EBF1: variants seen among roughly 807,000 people sequenced by gnomAD.
EBF1 encodes EBF transcription factor 1.
Under a neutral mutation model 68.4 loss-of-function variants are expected in EBF1, and 10 were observed. That is an observed-to-expected ratio of 0.15 (90% CI 0.09 to 0.25). The LOEUF (loss-of-function observed/expected upper bound fraction) is 0.25. Among genes scored for constraint, EBF1 ranks in the 10% least tolerant of loss-of-function variants. The probability of loss-of-function intolerance (pLI) is 1.00; values close to 1 mark genes in which losing one functional copy is unlikely to be tolerated. For synonymous variants in EBF1, 298 were observed against 299.8 expected, an observed-to-expected ratio of 0.99 and a Z score of 0.06; for missense variants, 509 against 794.4, an observed-to-expected ratio of 0.64 and a Z score of 4.32.
At chr5:159,040,018 T>C (rs1005632834) in intron 6 of EBF1, among the ~76,000 whole-genome samples, 54 of 152,314 alleles carry the variant, frequency 3.5e-4, no homozygotes, top group Admixed American at 3.0e-3. Context: ...TCTAAAGCAC[T>C]GTGAATTTCT....
At chr5:158,815,751 C>T (rs528007491) in intron 8 of EBF1, among the ~76,000 whole-genome samples, 32 of 152,236 alleles carry the variant, frequency 2.1e-4, no homozygotes, top group East Asian at 1.5e-3. Context: ...TTAGGATTTC[C>T]GGTGTTACCT....
chr5:158,906,644 C>T (rs1804706116), intron 6 of EBF1, among the ~76,000 whole-genome samples: 1 of 152,150 alleles, frequency 6.6e-6, no homozygotes, highest in African/African-American at 2.4e-5. Context: ...ATTATTATTC[C>T]CATTTTACAC....
rs143096813 is a variant in EBF1 at position 158,725,850 on chromosome 5, G to A, written c.1125+5219C>T. Among the ~76,000 whole-genome samples, 701 of 152,242 alleles carry A rather than the reference G, an allele frequency of 4.6e-3. 2 individuals are homozygous for A. The highest frequency in any genetic ancestry group is 0.011 in the African/African-American group (466 of 41,524). The stretch of plus-strand genomic sequence containing the variant: ...ATAGGGGTTTCACGTTTCTTAATCC[G>A]TTCCTTAATATGTCGGCTGTGTGAA... On this transcript the variant is annotated intron_variant, in intron 11 of 15. Transcript: ENST00000313708.
chr5:158,818,068 C>T (rs999310171), intron 8 of EBF1, among the ~76,000 whole-genome samples: 1 of 152,102 alleles, frequency 6.6e-6, no homozygotes, highest in Non-Finnish European at 1.5e-5. Context: ...TAAAAGGAAG[C>T]CTAGAGAGGA....
intron 10 of EBF1, among the ~76,000 whole-genome samples, chr5:158,769,578 A>C (rs181639838): frequency 6.6e-6 from 1 of 152,084 alleles, no homozygotes; most frequent in African/African-American, 2.4e-5. Context: ...GCTGTCACGG[A>C]AGTACAATGG....
intron 11 of EBF1, among the ~76,000 whole-genome samples, chr5:158,729,065 G>A (rs1763549753): frequency 2.6e-5 from 4 of 152,188 alleles, no homozygotes. Context: ...GAGATTGGGT[G>A]GAAGAGCTCT....
intron 6 of EBF1, among the ~76,000 whole-genome samples, chr5:159,062,194 ACTTCCTTCCTC>A (rs1360234410): frequency 2.0e-5 from 3 of 152,156 alleles, no homozygotes; most frequent in African/African-American, 7.2e-5. Flanking sequence ...ATAAGGGAGA[ACTTCCTTCCTC>A]GAGTAGACAC....
intron 10 of EBF1, among the ~76,000 whole-genome samples, chr5:158,734,694 T>C (rs941846856): frequency 6.6e-6 from 1 of 151,744 alleles, no homozygotes; most frequent in African/African-American, 2.4e-5. Flanking sequence ...TTTTTCCCCC[T>C]CAAACTTGGG....
chr5:158,906,057 T>A (rs901773525), intron 6 of EBF1, among the ~76,000 whole-genome samples: 1 of 152,044 alleles, frequency 6.6e-6, no homozygotes, highest in Non-Finnish European at 1.5e-5. Flanking sequence ...AGCAGAGAAA[T>A]GTTGCCACCA....
chr5:158,770,944 G>A (rs779856096), intron 10 of EBF1, among the ~76,000 whole-genome samples: 1 of 152,128 alleles, frequency 6.6e-6, no homozygotes, highest in Non-Finnish European at 1.5e-5. Context: ...ATTGTGTCTG[G>A]TTTTGCTTAA....
At chr5:158,711,731 T>G (rs1300148835) in intron 14 of EBF1, among the ~76,000 whole-genome samples, 2 of 152,132 alleles carry the variant, frequency 1.3e-5, no homozygotes, top group East Asian at 3.9e-4. Context: ...TGGAGTGCAG[T>G]GGCACAATCA....
In EBF1 at chr5:158,864,342, C is replaced by T. The variant is rs1350567180; in HGVS notation, c.555-24232G>A. Among the ~76,000 whole-genome samples the T allele has an allele frequency of 7.9e-5, 12 of 151,686 alleles. No homozygotes were observed. In the East Asian group the frequency reaches 2.1e-3, roughly 27 times the overall value. On this transcript the variant is annotated intron_variant, in intron 6 of 15. Transcript: ENST00000313708. ...GGATTTACTTAAAATCTCAAATAGT[C>T]TTGTCTTTCTTACCTTTCTGCCAAG... is the stretch of plus-strand genomic sequence containing the variant.
rs138999781 is a variant in EBF1, at chr5:158,832,148, C to T, written c.636+7881G>A. Among the ~76,000 whole-genome samples the T allele has an allele frequency of 7.9e-4, 121 of 152,330 alleles. 1 individual carries two copies. Among genetic ancestry groups the T allele is most frequent in the African/African-American group, 2.8e-3 (116 of 41,578 alleles). On this transcript the variant is annotated intron_variant, in intron 7 of 15. Coordinates refer to ENST00000313708, the MANE Select transcript of EBF1 (RefSeq NM_024007.5). ...CCAGCATCCATTGGTAATCACTGATCAAACCAAACACTTTTACATTCATCC... is the reference window on the plus strand; with the variant it reads ...CCAGCATCCATTGGTAATCACTGATTAAACCAAACACTTTTACATTCATCC...
At chr5:158,809,522 A>G (rs1413954339) in intron 8 of EBF1, among the ~76,000 whole-genome samples, 1 of 152,208 alleles carries the variant, frequency 6.6e-6, no homozygotes, top group Non-Finnish European at 1.5e-5. Context: ...TATTAACTTT[A>G]CAGAATATTA....
chr5:158,815,483 G>A (rs1235362572), intron 8 of EBF1, among the ~76,000 whole-genome samples: 1 of 151,968 alleles, frequency 6.6e-6, no homozygotes, highest in Non-Finnish European at 1.5e-5. Context: ...CATGGTGCTG[G>A]CATATATAGT....
At chr5:158,850,656 A>T (rs1167988472) in intron 6 of EBF1, among the ~76,000 whole-genome samples, 1 of 152,202 alleles carries the variant, frequency 6.6e-6, no homozygotes, top group Non-Finnish European at 1.5e-5. Context: ...GGAGCTATAT[A>T]CCAGAAATTG....
At chr5:158,994,823 A>T (rs1435788865) in intron 6 of EBF1, among the ~76,000 whole-genome samples, 2 of 152,234 alleles carry the variant, frequency 1.3e-5, no homozygotes, top group Non-Finnish European at 2.9e-5. Context: ...GACTTTTTGC[A>T]TTAGGCAAGA....
At chr5:159,095,495 C>T (rs1352530882) in intron 4 of EBF1, 125 bp downstream of exon 4, 2 of 1,131,826 alleles carry the variant, frequency 1.8e-6, no homozygotes, top group Non-Finnish European at 2.5e-6. Flanking sequence ...CAAGTTTGGT[C>T]TGAGCCGCCC....
At chr5:158,776,763 G>T (rs1775357519) in intron 10 of EBF1, among the ~76,000 whole-genome samples, 1 of 152,134 alleles carries the variant, frequency 6.6e-6, no homozygotes, top group South Asian at 2.1e-4. Flanking sequence ...CTGGGTATTT[G>T]GTTTGCACTT....
Sources: gnomAD v4.1 joint callset for allele counts (sites outside exome capture counted in the v4.1 genomes callset) on GRCh38, gnomAD v4.1.1 for gene constraint, MANE v1.5 for transcripts, NCBI Gene and HGNC (gene_info 2026-07-23, HGNC 2026-07-21) for gene names.